ZNF251: variants seen among roughly 807,000 people sequenced by gnomAD.
ZNF251 encodes zinc finger protein 251.
ZNF251 carries 14 observed loss-of-function variants against 13.5 expected under a neutral mutation model. The observed-to-expected ratio is 1.04, with a 90% CI of 0.69 to 1.63. The LOEUF (loss-of-function observed/expected upper bound fraction) is 1.63, where lower values mean the gene tolerates loss of function less well. Ranked by LOEUF, ZNF251 falls within the 40% of genes most tolerant of loss-of-function variation. ZNF251 has a pLI of 0.00. For synonymous variants in ZNF251, 287 were observed against 295.2 expected (o/e 0.97, Z 0.28); for missense variants, 764 against 834.9 (o/e 0.92, Z 1.05).
chr8:144,741,865 CA>C (rs2130021239), intron 4 of ZNF251, among the ~76,000 whole-genome samples: 1 of 152,166 alleles, frequency 6.6e-6, no homozygotes, highest in South Asian at 2.1e-4. Context: ...TTAGATAATT[CA>C]AATGGTCACT....
intron 4 of ZNF251, among the ~76,000 whole-genome samples, chr8:144,746,034 G>A (rs1824413528): frequency 6.6e-6 from 1 of 152,148 alleles, no homozygotes; most frequent in Non-Finnish European, 1.5e-5. Flanking sequence ...TTACACCTCA[G>A]TATTTTATCT....
At chr8:144,741,318 A>C (rs781306236) in intron 4 of ZNF251, among the ~76,000 whole-genome samples, 56 of 152,318 alleles carry the variant, frequency 3.7e-4, no homozygotes, top group Non-Finnish European at 6.9e-4. Flanking sequence ...TAACTTGTGA[A>C]GGTACATGCT....
intron 4 of ZNF251, among the ~76,000 whole-genome samples, chr8:144,746,792 G>T (rs1824451267): frequency 6.6e-6 from 1 of 151,664 alleles, no homozygotes; most frequent in African/African-American, 2.4e-5. Context: ...CCCTTTAAAA[G>T]TCTGTGGGAC....
At chr8:144,755,079 C>A (rs1824895498) in intron 1 of ZNF251, 4 of 1,295,394 alleles carry the variant, frequency 3.1e-6, no homozygotes, top group Non-Finnish European at 3.9e-6. Context: ...GGGTGCAGGG[C>A]CGTTCTACCT....
At chr8:144,725,625 A>G (rs1253777811) in intron 4 of ZNF251, among the ~76,000 whole-genome samples, 1 of 152,124 alleles carries the variant, frequency 6.6e-6, no homozygotes, top group Non-Finnish European at 1.5e-5. Context: ...TGAAATATCT[A>G]GGTGGTGCCT....
chr8:144,722,033 G>C lies in ZNF251; in HGVS notation c.1627C>G (p.His543Asp). The C allele has an allele frequency of 6.2e-7, 1 of 1,611,346 alleles. No homozygotes were observed. Among genetic ancestry groups the C allele is most frequent in the East Asian group, 2.2e-5 (1 of 44,840 alleles). Residue 543 changes from histidine to aspartate, a missense_variant, in exon 5 of 5, where the codon CAC becomes GAC. His to Asp is a moderately conservative substitution (Grantham distance 81, BLOSUM62 -1). Coordinates refer to ENST00000292562, the MANE Select transcript of ZNF251 (RefSeq NM_138367.2). This position sits in a 1 kb window ranked among gnomAD's most constrained non-coding sequence, Gnocchi z 4.8. ...ADGQIPTGEK[H>D]GRAFNHGANL... is the part of the protein sequence containing the mutation. The stretch of plus-strand genomic sequence containing the variant: ...GCACCATGGTTAAAGGCTCTGCCGT[G>C]CTTCTCTCCAGTGGGAATCTGTCCA...
At chr8:144,754,544 G>A in intron 2 of ZNF251, 152 bp downstream of exon 2, 2 of 1,450,666 alleles carry the variant, frequency 1.4e-6, no homozygotes, top group East Asian at 2.5e-5. Context: ...CTGCAGGAGG[G>A]CGAGTCTACC....
rs935120893 is a variant in ZNF251 at position 144,722,014 on chromosome 8, T to C, written c.1646A>G (p.His549Arg). 6.3e-7 allele frequency: 1 copy of C among 1,599,396 alleles called. No homozygotes were observed. ...CCAGCGCAGAATGAGATTTGCACCATGGTTAAAGGCTCTGCCGTGCTTCTC... is the reference window on the plus strand; with the variant it reads ...CCAGCGCAGAATGAGATTTGCACCACGGTTAAAGGCTCTGCCGTGCTTCTC... Reference protein sequence around the residue: ...TGEKHGRAFNHGANLILRWTV... With the variant: ...TGEKHGRAFNRGANLILRWTV... The change falls in exon 5 of 5, where the codon CAT becomes CGT. Residue 549 changes from histidine (H) to arginine (R), a missense_variant. By Grantham distance (29) the His-to-Arg change is conservative. Transcript: ENST00000292562. This position sits in a 1 kb window ranked among gnomAD's most constrained non-coding sequence, Gnocchi z 4.8.
chr8:144,731,215 G>A (rs1270704506), intron 4 of ZNF251, among the ~76,000 whole-genome samples: 2 of 152,184 alleles, frequency 1.3e-5, no homozygotes, highest in Non-Finnish European at 2.9e-5. Flanking sequence ...TCCCCTGCAA[G>A]TTTAGAATAT....
chr8:144,732,629 G>A (rs375596733), intron 4 of ZNF251, among the ~76,000 whole-genome samples: 69 of 151,518 alleles, frequency 4.6e-4, no homozygotes, highest in Middle Eastern at 3.5e-3. Context: ...TGGCCAACAC[G>A]GTGAAACCCC....
chr8:144,753,370 A>C, intron 4 of ZNF251: 2 of 211,588 alleles, frequency 9.5e-6, no homozygotes, highest in East Asian at 1.0e-4. Flanking sequence ...ATGGTAGGGT[A>C]CCGATATCTA....
At chr8:144,730,782 C>T (rs1823670523) in intron 4 of ZNF251, among the ~76,000 whole-genome samples, 1 of 152,246 alleles carries the variant, frequency 6.6e-6, no homozygotes, top group Non-Finnish European at 1.5e-5. Context: ...CCTTCTTGGA[C>T]ACCCCCGAAA....
intron 4 of ZNF251, among the ~76,000 whole-genome samples, chr8:144,746,777 T>A (rs1482276901): frequency 6.6e-6 from 1 of 151,736 alleles, no homozygotes; most frequent in Non-Finnish European, 1.5e-5. Flanking sequence ...TTTTTTTTTT[T>A]ATTACCCTTT....
rs934511394 is a variant in ZNF251, at chr8:144,720,973, T to A, written c.*671A>T. Reference sequence around the variant, plus strand: ...CTTCAATAAACCTGCCTTTAAAAAATTTTTTATCAGTAATTACAATTTTCA... The same window carrying A: ...CTTCAATAAACCTGCCTTTAAAAAAATTTTTATCAGTAATTACAATTTTCA... On this transcript the variant is annotated 3_prime_UTR_variant, in exon 5 of 5. Transcript: ENST00000292562. 1.3e-5 allele frequency: 2 copies of A among 152,202 alleles called. No homozygotes were observed. The highest frequency in any genetic ancestry group is 2.4e-5 in the African/African-American group (1 of 41,442). 9.4% of individuals were successfully genotyped at this position (152,202 alleles called of 1,614,324 possible). A position where few individuals can be genotyped will look rare whatever the true frequency, so the allele number is the denominator to read the frequency against.
chr8:144,732,804 T>C, intron 4 of ZNF251, among the ~76,000 whole-genome samples: 1 of 101,726 alleles, frequency 9.8e-6, no homozygotes, highest in African/African-American at 4.2e-5. Context: ...AGAGCGAGAC[T>C]CCGTCTCAAA....
intron 4 of ZNF251, chr8:144,729,970 C>T (rs557432523): frequency 4.5e-5 from 38 of 847,214 alleles, no homozygotes; most frequent in Non-Finnish European, 5.4e-5. Context: ...CTCAACATTG[C>T]AGGCAGGGCT....
rs184308927 is a variant in ZNF251, at chr8:144,740,246, T to C, written c.277+13437A>G. ...GTTGCTGTGAGCCGAGATCGCGCCATTGCACTCTAGCCTGGGCAACAAGAG... is the reference window on the plus strand; with the variant it reads ...GTTGCTGTGAGCCGAGATCGCGCCACTGCACTCTAGCCTGGGCAACAAGAG... On this transcript the variant is annotated intron_variant, in intron 4 of 4. Coordinates refer to ENST00000292562, the MANE Select transcript of ZNF251 (RefSeq NM_138367.2). 2.3e-3 allele frequency among the ~76,000 whole-genome samples: 349 copies of C among 151,612 alleles called. 3 individuals carry two copies. The highest frequency in any genetic ancestry group is 7.9e-3 in the African/African-American group (328 of 41,346).
At chr8:144,751,494 G>A (rs539407881) in intron 4 of ZNF251, among the ~76,000 whole-genome samples, 4 of 152,158 alleles carry the variant, frequency 2.6e-5, no homozygotes, top group Non-Finnish European at 5.9e-5. Flanking sequence ...CAAATGAACT[G>A]TAAGTAAACT....
chr8:144,755,074 C>T, intron 1 of ZNF251: 1 of 1,304,186 alleles, frequency 7.7e-7, no homozygotes, highest in Non-Finnish European at 9.8e-7. Context: ...AAATGGGGTG[C>T]AGGGCCGTTC....
Sources: gnomAD v4.1 joint callset for allele counts (sites outside exome capture counted in the v4.1 genomes callset) on GRCh38, gnomAD v4.1.1 for gene constraint, Gnocchi (gnomAD v3.1) non-coding constraint, MANE v1.5 for transcripts, NCBI Gene and HGNC (gene_info 2026-07-23, HGNC 2026-07-21) for gene names.